The following CIT variants were observed in gnomAD, a reference collection of about 807,000 sequenced individuals.
CIT encodes the protein citron Rho-interacting kinase.
A neutral mutation model predicts 272.7 loss-of-function variants in CIT; 79 were observed. That is an observed-to-expected ratio of 0.29 (90% confidence interval 0.24 to 0.35). The LOEUF (loss-of-function observed/expected upper bound fraction) is 0.35. CIT is among the 10% of genes least tolerant of loss of function. The pLI is 1.00. For missense variants in CIT, 1,909 were observed against 2,618.3 expected, an observed-to-expected ratio of 0.73 and a Z score of 5.91; for synonymous variants, 948 against 995.6, an observed-to-expected ratio of 0.95 and a Z score of 0.90.
At position 119,804,620 on chromosome 12, in the gene CIT, T is replaced by A. The variant is rs1966488353; in HGVS notation, c.1112-1231A>T. ...TCTGGACAAAGCTGGGTGCCAGATATGAGCAGCAAGCAGTCTGTTTTCTGC... is the reference window on the plus strand; with the variant it reads ...TCTGGACAAAGCTGGGTGCCAGATAAGAGCAGCAAGCAGTCTGTTTTCTGC... On this transcript the variant is annotated intron_variant, in intron 9 of 47. Transcript: ENST00000392521. The surrounding 1 kb of genome is among the most constrained non-coding windows in gnomAD (Gnocchi z 5.3). 1 of 389,296 alleles carries A rather than the reference T, an allele frequency of 2.6e-6. No homozygotes were observed. The highest frequency in any genetic ancestry group is 1.0e-4 in the South Asian group (1 of 9,536). The allele number at this position is 389,296 out of a possible 1,614,324, so 24.1% of individuals were successfully genotyped here.
At chr12:119,760,186 C>CAA (rs556831232) in intron 20 of CIT, among the ~76,000 whole-genome samples, 107 of 62,500 alleles carry the variant, frequency 1.7e-3, no homozygotes, top group South Asian at 5.9e-3. Flanking sequence ...GATTCCATCT[C>CAA]AAAAAAAAAA....
At chr12:119,765,087 C>A (rs1163232130) in intron 19 of CIT, among the ~76,000 whole-genome samples, 2 of 151,938 alleles carry the variant, frequency 1.3e-5, no homozygotes, top group Non-Finnish European at 2.9e-5. Context: ...GGATTACAGG[C>A]GTGAACCACC....
intron 2 of CIT, among the ~76,000 whole-genome samples, chr12:119,873,285 T>TA (rs1950739144): frequency 2.0e-5 from 3 of 150,064 alleles, no homozygotes; most frequent in Non-Finnish European, 3.0e-5. Context: ...TTTTTTTTTT[T>TA]AATTTACAGG....
intron 22 of CIT, 80 bp downstream of exon 22, chr12:119,757,291 T>C (rs1961124423): frequency 6.5e-7 from 1 of 1,540,148 alleles, no homozygotes; most frequent in Non-Finnish European, 8.9e-7. Context: ...GTATAGATAT[T>C]GATTTGTGCT....
intron 39 of CIT, 102 bp from the exon 40 acceptor site, chr12:119,708,420 C>A: frequency 8.5e-7 from 1 of 1,181,754 alleles, no homozygotes; most frequent in Admixed American, 3.1e-5. Context: ...CACAAGAGGC[C>A]ACACAGATGA....
chr12:119,787,570 A>C (rs1304292010), intron 10 of CIT, among the ~76,000 whole-genome samples: 1 of 151,646 alleles, frequency 6.6e-6, no homozygotes, highest in Non-Finnish European at 1.5e-5. Flanking sequence ...TCTCTACTAA[A>C]AATACAAAAA....
rs563495068 is a variant in CIT, at chr12:119,786,256, G to A, written c.1296-1191C>T. Among the ~76,000 whole-genome samples the A allele has an allele frequency of 2.0e-5, 3 of 152,228 alleles. No homozygotes were observed. In the South Asian group the frequency reaches 6.2e-4, roughly 32 times the overall value. ...GTAGACAAGTTGGCTTGATGCACTT[G>A]CTTATACAACTCTTAGGAAAATATC... is the stretch of plus-strand genomic sequence containing the variant. On this transcript the variant is annotated intron_variant, in intron 10 of 47. Transcript: ENST00000392521.
At chr12:119,762,115 T>G (rs1249202284) in intron 19 of CIT, among the ~76,000 whole-genome samples, 1 of 152,074 alleles carries the variant, frequency 6.6e-6, no homozygotes, top group Non-Finnish European at 1.5e-5. Flanking sequence ...CAATGTCTAT[T>G]GTGAAAGGAC....
chr12:119,834,698 T>C (rs1049876564), intron 5 of CIT, among the ~76,000 whole-genome samples: 4 of 152,246 alleles, frequency 2.6e-5, no homozygotes. Flanking sequence ...TGACAGCCTC[T>C]ATTCAAAATT....
chr12:119,709,448 A>G (rs1957041723), intron 39 of CIT, among the ~76,000 whole-genome samples: 1 of 152,154 alleles, frequency 6.6e-6, no homozygotes, highest in South Asian at 2.1e-4. Flanking sequence ...CTGTGAATCT[A>G]AAACTGCTCT....
At chr12:119,874,885 CA>C (rs199568006) in intron 2 of CIT, among the ~76,000 whole-genome samples, 4,295 of 74,306 alleles carry the variant, frequency 0.058, 114 homozygotes, top group African/African-American at 0.14. Flanking sequence ...GACTCTGTCT[CA>C]AAAAAAAAAA....
At chr12:119,805,938 C>T (rs192184498) in intron 9 of CIT, among the ~76,000 whole-genome samples, 8 of 152,096 alleles carry the variant, frequency 5.3e-5, no homozygotes, top group Non-Finnish European at 1.0e-4. Flanking sequence ...AGTTCAAGGC[C>T]AGCCTGGCCA....
chr12:119,718,520 C>T lies in CIT; in HGVS notation c.4004-111G>A, dbSNP rs1015684061. ...AAGGACCCAAGACCAAAAGAATATG[C>T]GTCACATCAACTTGGCAATGCACAG... On this transcript the variant is annotated intron_variant, in intron 31 of 47. Coordinates refer to ENST00000392521, the MANE Select transcript of CIT (RefSeq NM_001206999.2). This position sits in a 1 kb window ranked among gnomAD's most constrained non-coding sequence, Gnocchi z 4.8. The T allele has an allele frequency of 2.5e-4, 355 of 1,441,984 alleles. No homozygotes were observed. The highest frequency in any genetic ancestry group is 5.1e-4 in the Admixed American group (25 of 48,700). 89.3% of individuals were successfully genotyped at this position (1,441,984 alleles called of 1,614,324 possible). A position where few individuals can be genotyped will look rare whatever the true frequency, so the allele number is the denominator to read the frequency against.
At chr12:119,762,070 G>C (rs1961872648) in intron 19 of CIT, among the ~76,000 whole-genome samples, 1 of 152,186 alleles carries the variant, frequency 6.6e-6, no homozygotes, top group Non-Finnish European at 1.5e-5. Context: ...TGAAAGAGCT[G>C]GGGTCACAGA....
At chr12:119,854,427 C>T (rs1203123556) in intron 4 of CIT, among the ~76,000 whole-genome samples, 2 of 150,728 alleles carry the variant, frequency 1.3e-5, no homozygotes, top group Non-Finnish European at 3.0e-5. Context: ...CACTTGAGGT[C>T]AGGAGTTCGA....
At chr12:119,868,125 G>T (rs1456110610) in intron 3 of CIT, among the ~76,000 whole-genome samples, 1 of 151,944 alleles carries the variant, frequency 6.6e-6, no homozygotes, top group African/African-American at 2.4e-5. Flanking sequence ...CCAGCCACTG[G>T]GGTGGAAGGA....
At chr12:119,762,160 A>G (rs1407965379) in intron 19 of CIT, among the ~76,000 whole-genome samples, 1 of 152,232 alleles carries the variant, frequency 6.6e-6, no homozygotes, top group East Asian at 1.9e-4. Context: ...CCCTAAAAAG[A>G]GCCAGTCAGC....
At chr12:119,741,143 C>T (rs144051365) in intron 24 of CIT, among the ~76,000 whole-genome samples, 3 of 145,852 alleles carry the variant, frequency 2.1e-5, no homozygotes, top group African/African-American at 7.8e-5. Context: ...ACCAGAAACA[C>T]CACACAGTGA....
At chr12:119,761,840 G>GTA (rs772369053) in intron 19 of CIT, among the ~76,000 whole-genome samples, 3 of 152,106 alleles carry the variant, frequency 2.0e-5, no homozygotes, top group Non-Finnish European at 4.4e-5. Flanking sequence ...AACAGTAATG[G>GTA]TATCACCAAT....
Sources: gnomAD v4.1 joint callset for allele counts (sites outside exome capture counted in the v4.1 genomes callset) on GRCh38, gnomAD v4.1.1 for gene constraint, Gnocchi (gnomAD v3.1) non-coding constraint, MANE v1.5 for transcripts, NCBI Gene and HGNC (gene_info 2026-07-23, HGNC 2026-07-21) for gene names.